Variants in ARHGEF6 observed in about 807,000 individuals in gnomAD.
The protein encoded by ARHGEF6 is Rac/Cdc42 guanine nucleotide exchange factor 6.
Under a neutral mutation model 70.3 loss-of-function variants are expected in ARHGEF6, and 9 were observed. The observed-to-expected ratio is 0.13, with a 90% confidence interval of 0.08 to 0.22. The LOEUF (loss-of-function observed/expected upper bound fraction) is 0.22. Among genes scored for constraint, ARHGEF6 ranks in the 10% least tolerant of loss-of-function variants. The pLI, the probability that ARHGEF6 is intolerant of heterozygous loss-of-function variation, is 1.00. For synonymous variants in ARHGEF6, 201 were observed against 207.8 expected (o/e 0.97, Z 0.28); for missense variants, 470 against 563.0 (o/e 0.83, Z 1.67).
intron 2 of ARHGEF6, among the ~76,000 whole-genome samples, chrX:136,762,173 C>A (rs984344972): frequency 4.5e-5 from 5 of 112,203 alleles, no homozygotes; most frequent in African/African-American, 1.6e-4. Context: ...CTCGGCCTCC[C>A]AAAGTGCTGG....
chrX:136,679,093 T>C (rs2076307335), intron 16 of ARHGEF6, among the ~76,000 whole-genome samples: 1 of 112,432 alleles, frequency 8.9e-6, no homozygotes, highest in African/African-American at 3.2e-5. Context: ...ATCACTTTTA[T>C]AGTTTGGACT....
At chrX:136,725,509 A>C (rs890225165) in intron 6 of ARHGEF6, among the ~76,000 whole-genome samples, 3 of 111,043 alleles carry the variant, frequency 2.7e-5, no homozygotes, top group Non-Finnish European at 5.7e-5. Flanking sequence ...CTTCAATCTC[A>C]AAAGATCAAC....
intron 18 of ARHGEF6, among the ~76,000 whole-genome samples, chrX:136,676,038 C>T (rs968351195): frequency 7.1e-5 from 8 of 112,208 alleles, no homozygotes; most frequent in African/African-American, 2.3e-4. Context: ...ACAATTCTGT[C>T]ACCTCTTTGT....
chrX:136,667,784 T>C lies in ARHGEF6; in HGVS notation c.*245A>G. On this transcript the variant is annotated 3_prime_UTR_variant, in exon 22 of 22. Transcript: ENST00000250617. ...CCATCTCTACCACCACTTCCTGCTTTTTCACCTGTTGAAAAAAAAAATGAA... is the reference window on the plus strand; with the variant it reads ...CCATCTCTACCACCACTTCCTGCTTCTTCACCTGTTGAAAAAAAAAATGAA... The C allele has an allele frequency of 2.4e-6, 1 of 418,054 alleles. No individual in the cohort carries two copies. The highest frequency in any genetic ancestry group is 4.1e-5 in the Admixed American group (1 of 24,283). 34.5% of individuals were successfully genotyped at this position (418,054 alleles called of 1,213,427 possible). A position where few individuals can be genotyped will look rare whatever the true frequency, so the allele number is the denominator to read the frequency against.
chrX:136,762,341 G>A (rs1201226439), intron 2 of ARHGEF6, among the ~76,000 whole-genome samples: 5 of 112,175 alleles, frequency 4.5e-5, no homozygotes. Flanking sequence ...ATAATGCAAT[G>A]TTTTTTATCT....
chrX:136,671,589 T>C (rs1332185464), intron 20 of ARHGEF6, among the ~76,000 whole-genome samples: 2 of 112,178 alleles, frequency 1.8e-5, no homozygotes, highest in African/African-American at 6.5e-5. Context: ...TCTAACCGGA[T>C]TGCTGTAGGA....
At chrX:136,747,685 A>C in intron 2 of ARHGEF6, 93 bp from the exon 3 acceptor site, 2 of 212,931 alleles carry the variant, frequency 9.4e-6, no homozygotes, top group Non-Finnish European at 8.0e-6. Flanking sequence ...AGCTCTCCGG[A>C]AAAAAAAAAA....
intron 2 of ARHGEF6, among the ~76,000 whole-genome samples, chrX:136,777,786 A>ACACACACACC (rs1409890736): frequency 9.1e-6 from 1 of 109,818 alleles, no homozygotes; most frequent in Non-Finnish European, 1.9e-5. Context: ...ACACACACAC[A>ACACACACACC]CCATGGAATA....
chrX:136,707,073 C>T, intron 8 of ARHGEF6, 43 bp from the exon 9 acceptor site: 1 of 1,199,818 alleles, frequency 8.3e-7, no homozygotes, highest in South Asian at 1.8e-5. Flanking sequence ...AAATAGGAAA[C>T]AGGAGGCAAA....
intron 9 of ARHGEF6, among the ~76,000 whole-genome samples, chrX:136,699,265 T>A (rs1050696814): frequency 1.2e-3 from 133 of 111,100 alleles, no homozygotes; most frequent in African/African-American, 4.2e-3. Flanking sequence ...CACATTTTTA[T>A]ATATAACTAG....
rs138422086 is a variant in ARHGEF6 at position 136,713,571 on chromosome X, T to C, written c.733-201A>G. Among the ~76,000 whole-genome samples, 248 of 112,397 alleles carry C rather than the reference T, an allele frequency of 2.2e-3. 2 individuals carry two copies. Among genetic ancestry groups the C allele is most frequent in the African/African-American group, 7.6e-3 (236 of 30,958 alleles). On this transcript the variant is annotated intron_variant, in intron 6 of 21. Coordinates refer to ENST00000250617, the MANE Select transcript of ARHGEF6 (RefSeq NM_004840.3). ...AATTATTGCATGACAACTGGTTATA[T>C]TGCACAATTCATATGAATACAATTT... is the stretch of plus-strand genomic sequence containing the variant.
chrX:136,773,228 A>G (rs186586538), intron 2 of ARHGEF6, among the ~76,000 whole-genome samples: 10 of 111,980 alleles, frequency 8.9e-5, no homozygotes, highest in African/African-American at 2.9e-4. Context: ...GATAAATAAT[A>G]TTGTGTTCTA....
Position 136,667,268 on chromosome X carries a change from T to C in ARHGEF6, c.*761A>G, listed in dbSNP as rs939330430. ...TCAACTCTGCTACTAAAAGGGAGGA[T>C]TGTCCAGTAGAATTTGCTGATGGAT... On this transcript the variant is annotated 3_prime_UTR_variant, in exon 22 of 22. Coordinates refer to ENST00000250617, the MANE Select transcript of ARHGEF6 (RefSeq NM_004840.3). 2.7e-5 allele frequency: 3 copies of C among 112,094 alleles called. No homozygotes were observed. Among genetic ancestry groups the C allele is most frequent in the Non-Finnish European group, 5.6e-5 (3 of 53,187 alleles). 9.2% of individuals were successfully genotyped at this position (112,094 alleles called of 1,213,427 possible). A position where few individuals can be genotyped will look rare whatever the true frequency, so the allele number is the denominator to read the frequency against.
At chrX:136,705,746 A>G (rs1403030108) in intron 9 of ARHGEF6, among the ~76,000 whole-genome samples, 1 of 112,510 alleles carries the variant, frequency 8.9e-6, no homozygotes, top group Non-Finnish European at 1.9e-5. Flanking sequence ...ATAAGAGTTC[A>G]AAATTTATCA....
At chrX:136,691,981 T>G (rs1468020410) in intron 9 of ARHGEF6, among the ~76,000 whole-genome samples, 4 of 111,881 alleles carry the variant, frequency 3.6e-5, no homozygotes, top group African/African-American at 1.3e-4. Flanking sequence ...TGTGCTGCTA[T>G]AAGGTGTGAA....
In ARHGEF6 at chrX:136,758,366, T is replaced by A. The variant is rs191356283; in HGVS notation, c.250-10774A>T. On this transcript the variant is annotated intron_variant, in intron 2 of 21. Coordinates refer to ENST00000250617, the MANE Select transcript of ARHGEF6 (RefSeq NM_004840.3). ...TGCGCCCGGCCAAAAATAAATTATTTTTTTTTTAAGAATATGATTTTAAAA... is the reference window on the plus strand; with the variant it reads ...TGCGCCCGGCCAAAAATAAATTATTATTTTTTTAAGAATATGATTTTAAAA... Among the ~76,000 whole-genome samples the A allele has an allele frequency of 4.7e-3, 516 of 110,704 alleles. 4 individuals are homozygous for A. Among genetic ancestry groups the A allele is most frequent in the African/African-American group, 0.015 (468 of 30,447 alleles).
chrX:136,749,520 C>T (rs2077129717), intron 2 of ARHGEF6, among the ~76,000 whole-genome samples: 1 of 111,672 alleles, frequency 9.0e-6, no homozygotes, highest in Admixed American at 9.5e-5. Flanking sequence ...AAACCTCTCC[C>T]TCTGGTTTTA....
chrX:136,707,522 A>G (rs959844790), intron 8 of ARHGEF6, among the ~76,000 whole-genome samples: 3 of 112,472 alleles, frequency 2.7e-5, no homozygotes, highest in African/African-American at 9.7e-5. Flanking sequence ...GAAAAGTGTA[A>G]TAAGAAAAAT....
At chrX:136,687,809 T>C (rs1436664053) in intron 11 of ARHGEF6, 123 bp downstream of exon 11, 5 of 632,121 alleles carry the variant, frequency 7.9e-6, no homozygotes, top group Non-Finnish European at 1.3e-5. Context: ...ACTGCTATAC[T>C]GTCATGAAAG....
Sources: gnomAD v4.1 joint callset for allele counts (sites outside exome capture counted in the v4.1 genomes callset) on GRCh38, gnomAD v4.1.1 for gene constraint, MANE v1.5 for transcripts, NCBI Gene and HGNC (gene_info 2026-07-23, HGNC 2026-07-21) for gene names.